The following EFNA5 variants were observed in gnomAD, a reference collection of about 807,000 sequenced individuals.
The protein encoded by EFNA5 is ephrin A5.
EFNA5 carries 5 observed loss-of-function variants against 22.9 expected under a neutral mutation model. The observed-to-expected ratio is 0.22, with a 90% CI of 0.11 to 0.46. The LOEUF is 0.46. EFNA5 is among the 20% of genes least tolerant of loss of function. The pLI is 0.99. For synonymous variants in EFNA5, 113 were observed against 112.2 expected, an observed-to-expected ratio of 1.01 and a Z score of -0.04; for missense variants, 237 against 293.3, an observed-to-expected ratio of 0.81 and a Z score of 1.40.
intron 1 of EFNA5, among the ~76,000 whole-genome samples, chr5:107,447,300 TAACTTA>T (rs144608962): frequency 0.095 from 14,414 of 152,242 alleles, 695 homozygotes; most frequent in Non-Finnish European, 0.11. Flanking sequence ...AGGCCTGTTT[TAACTTA>T]AACTTTAAAA....
chr5:107,463,284 A>C (rs1749883149), intron 1 of EFNA5, among the ~76,000 whole-genome samples: 1 of 152,148 alleles, frequency 6.6e-6, no homozygotes, highest in South Asian at 2.1e-4. Context: ...TCATGTTAAC[A>C]AATTCACACA....
chr5:107,629,942 G>A (rs1168444624), intron 1 of EFNA5, among the ~76,000 whole-genome samples: 13 of 151,896 alleles, frequency 8.6e-5, no homozygotes, highest in South Asian at 2.1e-4. Context: ...TGTAATCCCC[G>A]CTACCAGGGA....
intron 1 of EFNA5, among the ~76,000 whole-genome samples, chr5:107,554,904 G>C (rs1748375434): frequency 6.6e-6 from 1 of 152,182 alleles, no homozygotes; most frequent in Non-Finnish European, 1.5e-5. Context: ...ACTACGTTCT[G>C]CAACAGCAGC....
At chr5:107,551,640 G>A (rs763212827) in intron 1 of EFNA5, among the ~76,000 whole-genome samples, 11 of 151,998 alleles carry the variant, frequency 7.2e-5, no homozygotes, top group Non-Finnish European at 1.6e-4. Context: ...GCAACTCCCT[G>A]CCGATCTCCA....
intron 1 of EFNA5, among the ~76,000 whole-genome samples, chr5:107,504,820 T>C (rs1747216938): frequency 6.6e-6 from 1 of 152,208 alleles, no homozygotes; most frequent in African/African-American, 2.4e-5. Flanking sequence ...TAGTAGACTC[T>C]GAATTTTAAT....
At chr5:107,667,723 CT>C (rs1397185432) in intron 1 of EFNA5, among the ~76,000 whole-genome samples, 4 of 152,076 alleles carry the variant, frequency 2.6e-5, no homozygotes, top group African/African-American at 9.6e-5. Flanking sequence ...GTCCTCTATT[CT>C]TTTTTCAAAA....
Position 107,472,082 on chromosome 5 carries a change from C to T in EFNA5, c.126-44573G>A, listed in dbSNP as rs561876050. Among the ~76,000 whole-genome samples the T allele has an allele frequency of 9.9e-5, 15 of 152,256 alleles. No homozygotes were observed. The South Asian group carries it at 2.5e-3, about 25-fold the overall frequency. ...GAAAACACATGCACAAAGCCATACA[C>T]ACAAAATATAAAGTTTGATTGAATA... On this transcript the variant is annotated intron_variant, in intron 1 of 4. Transcript: ENST00000333274.
At chr5:107,383,733 C>T (rs1747531577) in intron 4 of EFNA5, among the ~76,000 whole-genome samples, 1 of 152,196 alleles carries the variant, frequency 6.6e-6, no homozygotes, top group South Asian at 2.1e-4. Flanking sequence ...CATCACCACC[C>T]TAGTCCCTTC....
At chr5:107,518,321 T>G (rs1747526292) in intron 1 of EFNA5, among the ~76,000 whole-genome samples, 1 of 151,614 alleles carries the variant, frequency 6.6e-6, no homozygotes, top group African/African-American at 2.4e-5. Flanking sequence ...CATCGGTCCC[T>G]TGTTTACTAG....
chr5:107,507,655 G>A (rs946889705), intron 1 of EFNA5, among the ~76,000 whole-genome samples: 5 of 151,864 alleles, frequency 3.3e-5, no homozygotes, highest in African/African-American at 1.2e-4. Context: ...TGGGCAACAC[G>A]GCAAAACCTC....
Position 107,381,135 on chromosome 5 carries a change from A to C in EFNA5, c.*120T>G. On this transcript the variant is annotated 3_prime_UTR_variant, in exon 5 of 5. Transcript: ENST00000333274. Reference sequence around the variant, plus strand: ...GAATTCAGGCTGAAAGAAAGAAAACAAAAATCTGACATCTGCCAAAACCCA... The same window carrying C: ...GAATTCAGGCTGAAAGAAAGAAAACCAAAATCTGACATCTGCCAAAACCCA... The C allele has an allele frequency of 1.4e-6, 2 of 1,393,318 alleles. No individual in the cohort carries two copies. Among genetic ancestry groups the C allele is most frequent in the Non-Finnish European group, 1.9e-6 (2 of 1,043,982 alleles). The allele number at this position is 1,393,318 out of a possible 1,614,324, so 86.3% of individuals were successfully genotyped here.
At chr5:107,408,988 T>C (rs1748293611) in intron 2 of EFNA5, among the ~76,000 whole-genome samples, 2 of 152,220 alleles carry the variant, frequency 1.3e-5, no homozygotes, top group Non-Finnish European at 2.9e-5. Flanking sequence ...ACACCAACTA[T>C]TGAACCAAGG....
intron 1 of EFNA5, among the ~76,000 whole-genome samples, chr5:107,607,151 T>C (rs547102105): frequency 7.0e-4 from 107 of 152,216 alleles, no homozygotes; most frequent in Admixed American, 2.6e-3. Flanking sequence ...TGAAAGCCAA[T>C]ATGAAGTGTA....
intron 1 of EFNA5, among the ~76,000 whole-genome samples, chr5:107,645,607 A>G (rs1003849311): frequency 1.3e-5 from 2 of 152,210 alleles, no homozygotes; most frequent in African/African-American, 4.8e-5. Context: ...TCTGATTCTC[A>G]CTTCAGAAAG....
At chr5:107,416,762 G>A (rs1381294915) in intron 2 of EFNA5, among the ~76,000 whole-genome samples, 2 of 152,196 alleles carry the variant, frequency 1.3e-5, no homozygotes, top group South Asian at 4.1e-4. Context: ...AGACCTCTAA[G>A]CAATATACTA....
intron 1 of EFNA5, among the ~76,000 whole-genome samples, chr5:107,667,319 C>T (rs1004350596): frequency 2.0e-5 from 3 of 152,038 alleles, no homozygotes; most frequent in African/African-American, 7.2e-5. Context: ...ACTCAGTATC[C>T]ACTTCTCAGA....
At chr5:107,418,160 TAA>T (rs1748555408) in intron 2 of EFNA5, among the ~76,000 whole-genome samples, 1 of 152,222 alleles carries the variant, frequency 6.6e-6, no homozygotes, top group Non-Finnish European at 1.5e-5. Flanking sequence ...GTTGCCTTAA[TAA>T]GTTACTAAGA....
intron 1 of EFNA5, among the ~76,000 whole-genome samples, chr5:107,592,174 G>C (rs1186925620): frequency 7.0e-6 from 1 of 142,128 alleles, no homozygotes; most frequent in Non-Finnish European, 1.5e-5. Flanking sequence ...AATATCATTA[G>C]AGTAGGCAAG....
intron 1 of EFNA5, among the ~76,000 whole-genome samples, chr5:107,635,135 T>TGTCA (rs1287852993): frequency 6.6e-6 from 1 of 152,238 alleles, no homozygotes; most frequent in Non-Finnish European, 1.5e-5. Flanking sequence ...GGTTTAGTCA[T>TGTCA]GTCAAATTAA....
Sources: allele counts gnomAD v4.1 joint callset (sites outside exome capture counted in the v4.1 genomes callset), GRCh38; gene constraint gnomAD v4.1.1; transcripts MANE v1.5; gene names NCBI Gene and HGNC (gene_info 2026-07-23, HGNC 2026-07-21).